Variants in ADCY1 observed in about 807,000 individuals in gnomAD.
ADCY1 encodes the protein adenylate cyclase type 1.
In ADCY1, 28 loss-of-function variants were observed where a neutral mutation model predicts 105.4. The ratio of observed to expected loss-of-function variants is 0.27; its 90% CI spans 0.20 to 0.36. The LOEUF (loss-of-function observed/expected upper bound fraction) is 0.36. Ranked by LOEUF, ADCY1 falls within the 10% of genes least tolerant of loss-of-function variation. The pLI is 1.00. For missense variants in ADCY1, 977 were observed against 1,434.2 expected, an observed-to-expected ratio of 0.68 and a Z score of 5.15; for synonymous variants, 655 against 623.8, an observed-to-expected ratio of 1.05 and a Z score of -0.75.
rs1784675315 is a variant in ADCY1, at chr7:45,686,414, A to G, written c.2328-133A>G. ...TCCCTATGATAAGTGATTCTTGGCC[A>G]AGGTCAATCCCAGCAAGCTGTTTTT... On this transcript the variant is annotated intron_variant, in intron 13 of 19. Transcript: ENST00000297323. The surrounding 1 kb of genome is among the most constrained non-coding windows in gnomAD (Gnocchi z 4.3). The G allele has an allele frequency of 6.9e-7, 1 of 1,443,984 alleles. No homozygotes were observed. Among genetic ancestry groups the G allele is most frequent in the Admixed American group, 2.4e-5 (1 of 42,246 alleles). 89.4% of individuals were successfully genotyped at this position (1,443,984 alleles called of 1,614,324 possible).
chr7:45,580,972 A>T (rs1305612076), intron 1 of ADCY1, among the ~76,000 whole-genome samples: 1 of 152,106 alleles, frequency 6.6e-6, no homozygotes, highest in Non-Finnish European at 1.5e-5. Context: ...AGGGCCAGGG[A>T]TCAACTCCTT....
intron 3 of ADCY1, among the ~76,000 whole-genome samples, chr7:45,618,761 G>A (rs142675957): frequency 0.019 from 2,875 of 152,284 alleles, 79 homozygotes; most frequent in South Asian, 0.13. Flanking sequence ...GTACCAGTTG[G>A]TGGGAATGTA....
At chr7:45,660,763 C>T (rs1795076256) in intron 7 of ADCY1, among the ~76,000 whole-genome samples, 1 of 143,358 alleles carries the variant, frequency 7.0e-6, no homozygotes, top group African/African-American at 2.7e-5. Context: ...GTTCAGGGCT[C>T]AGGTGAGGGT....
intron 2 of ADCY1, among the ~76,000 whole-genome samples, chr7:45,605,681 A>G (rs1383152705): frequency 6.6e-6 from 1 of 152,134 alleles, no homozygotes; most frequent in Non-Finnish European, 1.5e-5. Flanking sequence ...TTCTTGTTGC[A>G]TATCACTGAA....
chr7:45,705,944 A>G (rs1785109505), intron 17 of ADCY1, among the ~76,000 whole-genome samples: 1 of 152,218 alleles, frequency 6.6e-6, no homozygotes, highest in South Asian at 2.1e-4. Context: ...TACAAACAAA[A>G]TGCCATTTAT....
At chr7:45,666,319 T>C (rs1356782528) in intron 8 of ADCY1, among the ~76,000 whole-genome samples, 1 of 152,202 alleles carries the variant, frequency 6.6e-6, no homozygotes, top group African/African-American at 2.4e-5. Flanking sequence ...TGGGGTGTGA[T>C]GTTCCCCTTC....
Position 45,678,137 on chromosome 7 carries a change from C to T in ADCY1, c.1801-29C>T, listed in dbSNP as rs756943838. The T allele has an allele frequency of 9.3e-6, 15 of 1,613,944 alleles. No homozygotes were observed. The African/African-American group carries it at 1.9e-4, about 20-fold the overall frequency. ...TGCCTGGCTGGAGGAAGCCCTCAGC[C>T]CTGATGGATTGACTTCTCTCTTACA... On this transcript the variant is annotated intron_variant, in intron 9 of 19. Coordinates refer to ENST00000297323, the MANE Select transcript of ADCY1 (RefSeq NM_021116.4).
intron 2 of ADCY1, among the ~76,000 whole-genome samples, chr7:45,608,138 A>T (rs193272202): frequency 1.3e-3 from 200 of 152,242 alleles, no homozygotes; most frequent in African/African-American, 4.5e-3. Flanking sequence ...AATGGTAGCC[A>T]TTCTGACTTC....
At chr7:45,657,465 C>T (rs1254226558) in intron 5 of ADCY1, among the ~76,000 whole-genome samples, 1 of 152,234 alleles carries the variant, frequency 6.6e-6, no homozygotes, top group Non-Finnish European at 1.5e-5. Flanking sequence ...GAATGGAACT[C>T]ATGAGTCTGG....
intron 14 of ADCY1, among the ~76,000 whole-genome samples, chr7:45,691,844 T>C (rs1784791512): frequency 6.6e-6 from 1 of 152,358 alleles, no homozygotes; most frequent in African/African-American, 2.4e-5. Flanking sequence ...GTTAGAGACC[T>C]GGTTCCACCT....
intron 14 of ADCY1, among the ~76,000 whole-genome samples, chr7:45,688,768 C>A (rs1302605051): frequency 2.0e-5 from 3 of 151,920 alleles, no homozygotes; most frequent in African/African-American, 7.3e-5. Context: ...TCACATAACA[C>A]AATTCACTTG....
At chr7:45,690,394 C>T (rs1314899119) in intron 14 of ADCY1, among the ~76,000 whole-genome samples, 1 of 152,150 alleles carries the variant, frequency 6.6e-6, no homozygotes, top group African/African-American at 2.4e-5. Context: ...GGCCCTAGAA[C>T]CAGGGAACAG....
At chr7:45,605,905 T>C (rs1441305078) in intron 2 of ADCY1, among the ~76,000 whole-genome samples, 1 of 152,204 alleles carries the variant, frequency 6.6e-6, no homozygotes, top group African/African-American at 2.4e-5. Context: ...CCTAGGCATT[T>C]GGAATGTTGT....
chr7:45,616,346 G>C (rs930191893), intron 3 of ADCY1, among the ~76,000 whole-genome samples: 2 of 152,076 alleles, frequency 1.3e-5, no homozygotes, highest in South Asian at 2.1e-4. Flanking sequence ...GATACTAAAG[G>C]CAAACAAGAA....
chr7:45,592,053 G>T lies in ADCY1; in HGVS notation c.640-706G>T, dbSNP rs75983446. 3.0e-3 allele frequency among the ~76,000 whole-genome samples: 431 copies of T among 141,524 alleles called. 2 individuals carry two copies. The highest frequency in any genetic ancestry group is 7.6e-3 in the Middle Eastern group (2 of 264). The allele number at this position is 141,524 out of a possible 152,430, so 92.8% of individuals were successfully genotyped here. A position where few individuals can be genotyped will look rare whatever the true frequency, so the allele number is the denominator to read the frequency against. On this transcript the variant is annotated intron_variant, in intron 1 of 19. Transcript: ENST00000297323. ...AACATCTGGGCTGTTTTCGTTTTTT[G>T]TTTTTTTTTTTTTGTGAACTCACCT...
chr7:45,686,419 C>T lies in ADCY1; in HGVS notation c.2328-128C>T. On this transcript the variant is annotated intron_variant, in intron 13 of 19. Coordinates refer to ENST00000297323, the MANE Select transcript of ADCY1 (RefSeq NM_021116.4). This position sits in a 1 kb window ranked among gnomAD's most constrained non-coding sequence, Gnocchi z 4.3. Reference sequence around the variant, plus strand: ...ATGATAAGTGATTCTTGGCCAAGGTCAATCCCAGCAAGCTGTTTTTGGGTG... The same window carrying T: ...ATGATAAGTGATTCTTGGCCAAGGTTAATCCCAGCAAGCTGTTTTTGGGTG... 6.9e-7 allele frequency: 1 copy of T among 1,451,242 alleles called. No homozygotes were observed. Among genetic ancestry groups the T allele is most frequent in the East Asian group, 2.3e-5 (1 of 43,146 alleles). 89.9% of individuals were successfully genotyped at this position (1,451,242 alleles called of 1,614,324 possible).
At chr7:45,645,517 T>A (rs1485644605) in intron 4 of ADCY1, among the ~76,000 whole-genome samples, 4 of 152,116 alleles carry the variant, frequency 2.6e-5, no homozygotes, top group African/African-American at 9.7e-5. Context: ...CCATCAGATC[T>A]GACTGGCCTG....
chr7:45,629,145 G>T (rs529546144), intron 4 of ADCY1, among the ~76,000 whole-genome samples: 18 of 152,218 alleles, frequency 1.2e-4, no homozygotes, highest in Admixed American at 1.2e-3. Context: ...CTACTAATTT[G>T]CTTTCTATCA....
intron 4 of ADCY1, among the ~76,000 whole-genome samples, chr7:45,627,337 C>T (rs1441471160): frequency 6.6e-6 from 1 of 152,184 alleles, no homozygotes; most frequent in Non-Finnish European, 1.5e-5. Context: ...GCCCACTGGG[C>T]CTCTGACCTT....
Sources: allele counts gnomAD v4.1 joint callset (sites outside exome capture counted in the v4.1 genomes callset), GRCh38; gene constraint gnomAD v4.1.1; non-coding constraint Gnocchi (gnomAD v3.1); transcripts MANE v1.5; gene names NCBI Gene and HGNC (gene_info 2026-07-23, HGNC 2026-07-21).